The following INSR variants were observed in gnomAD, a reference collection of about 807,000 sequenced individuals.
INSR encodes IR.
Under a neutral mutation model 142.6 loss-of-function variants are expected in INSR, and 67 were observed. The observed-to-expected ratio is 0.47, with a 90% CI of 0.39 to 0.58. The LOEUF is 0.58. Among genes scored for constraint, INSR ranks in the 20% least tolerant of loss-of-function variants. INSR has a pLI of 0.00. For synonymous variants in INSR, 756 were observed against 743.1 expected (o/e 1.02, Z -0.28); for missense variants, 1,248 against 1,833.2 (o/e 0.68, Z 5.83).
Position 7,178,241 on chromosome 19 carries a change from T to TG in INSR, c.975-3511dup, listed in dbSNP as rs1289581199. Among the ~76,000 whole-genome samples, 155 of 43,036 alleles carry TG rather than the reference T, an allele frequency of 3.6e-3. 5 individuals are homozygous for TG. In the East Asian group the frequency reaches 0.092, roughly 26 times the overall value. The allele number at this position is 43,036 out of a possible 152,430, so 28.2% of individuals were successfully genotyped here. On this transcript the variant is annotated intron_variant, in intron 3 of 21. Coordinates refer to ENST00000302850, the MANE Select transcript of INSR (RefSeq NM_000208.4). ...GAGTGTTAGGAATGTCGGGGTGACT[T>TG]GTGGGGGGGGGGGTGCCTAGATAAC...
At chr19:7,170,035 C>T (rs1973978397) in intron 6 of INSR, among the ~76,000 whole-genome samples, 1 of 152,138 alleles carries the variant, frequency 6.6e-6, no homozygotes, top group South Asian at 2.1e-4. Flanking sequence ...CAGACCAGTA[C>T]TTATCCATGG....
In INSR at chr19:7,166,714, G is replaced by C. The variant is rs1247070298; in HGVS notation, c.1611-310C>G. 6.6e-6 allele frequency among the ~76,000 whole-genome samples: 1 copy of C among 152,164 alleles called. No homozygotes were observed. Among genetic ancestry groups the C allele is most frequent in the Non-Finnish European group, 1.5e-5 (1 of 68,040 alleles). ...AATGGCGGATCACCAGAAGTCAGGAGTTCGAGACCAGCCTGGCCAACATGG... is the reference window on the plus strand; with the variant it reads ...AATGGCGGATCACCAGAAGTCAGGACTTCGAGACCAGCCTGGCCAACATGG... On this transcript the variant is annotated intron_variant, in intron 7 of 21. Transcript: ENST00000302850. This position sits in a 1 kb window ranked among gnomAD's most constrained non-coding sequence, Gnocchi z 4.1.
intron 2 of INSR, among the ~76,000 whole-genome samples, chr19:7,237,490 C>G (rs1269060208): frequency 6.6e-6 from 1 of 151,702 alleles, no homozygotes; most frequent in African/African-American, 2.4e-5. Flanking sequence ...GCACTCCAAC[C>G]TGGGCAACAC....
intron 2 of INSR, among the ~76,000 whole-genome samples, chr19:7,243,622 C>T (rs1241769317): frequency 1.3e-5 from 2 of 152,188 alleles, no homozygotes; most frequent in Non-Finnish European, 2.9e-5. Context: ...AATGAATACT[C>T]AGTTACCTGC....
intron 13 of INSR, among the ~76,000 whole-genome samples, chr19:7,138,394 CAG>C (rs1972990751): frequency 6.6e-6 from 1 of 152,040 alleles, no homozygotes; most frequent in Non-Finnish European, 1.5e-5. Context: ...TTTTTGGAGA[CAG>C]AGTCTTCTTG....
intron 2 of INSR, among the ~76,000 whole-genome samples, chr19:7,266,334 C>T (rs1967724454): frequency 6.6e-6 from 1 of 151,572 alleles, no homozygotes; most frequent in South Asian, 2.1e-4. Context: ...CTAGATAAAG[C>T]TTTGACTCTA....
intron 11 of INSR, among the ~76,000 whole-genome samples, chr19:7,148,474 A>AT (rs1568445065): frequency 3.9e-5 from 2 of 50,852 alleles, no homozygotes; most frequent in Admixed American, 2.4e-4. Context: ...TTATGTATTT[A>AT]TTCTTTTTTT....
intron 14 of INSR, among the ~76,000 whole-genome samples, chr19:7,131,818 G>A (rs1375300037): frequency 1.3e-5 from 2 of 150,484 alleles, no homozygotes; most frequent in African/African-American, 4.9e-5. Context: ...GGCCAACATG[G>A]TGAAATGCCA....
chr19:7,122,788 C>T lies in INSR; in HGVS notation c.3370-15G>A, dbSNP rs41300628. ...CCAGGATTATTCTAAAACAGAAACA[C>T]GGGGTTGGTGTTTCAGCAGCACTGG... On this transcript the variant is annotated splice_polypyrimidine_tract_variant and intron_variant, in intron 18 of 21. Transcript: ENST00000302850. 12,192 of 1,614,092 alleles carry T rather than the reference C, an allele frequency of 7.6e-3. 79 individuals are homozygous for T. Among genetic ancestry groups the T allele is most frequent in the Non-Finnish European group, 8.1e-3 (9,558 of 1,179,950 alleles).
At chr19:7,141,196 C>T (rs369282211) in intron 13 of INSR, among the ~76,000 whole-genome samples, 32 of 152,254 alleles carry the variant, frequency 2.1e-4, no homozygotes, top group African/African-American at 7.7e-4. Context: ...GCTGGGATTA[C>T]AGGCACCCAC....
Position 7,116,145 on chromosome 19 carries a change from C to T in INSR, c.*911G>A, listed in dbSNP as rs1390015215. On this transcript the variant is annotated 3_prime_UTR_variant, in exon 22 of 22. Coordinates refer to ENST00000302850, the MANE Select transcript of INSR (RefSeq NM_000208.4). ...TTTTTCTTTTTTTTTTTTTAATGTC[C>T]TAGCTTGGTTTGGTCTTGAAAAGAT... is the stretch of plus-strand genomic sequence containing the variant. 6 of 123,234 alleles carry T rather than the reference C, an allele frequency of 4.9e-5. No individual in the cohort carries two copies. Among genetic ancestry groups the T allele is most frequent in the Admixed American group, 4.3e-4 (5 of 11,554 alleles). 7.6% of individuals were successfully genotyped at this position (123,234 alleles called of 1,614,324 possible).
intron 2 of INSR, among the ~76,000 whole-genome samples, chr19:7,226,812 G>T (rs1268383425): frequency 6.6e-6 from 1 of 151,088 alleles, no homozygotes; most frequent in Middle Eastern, 3.5e-3. Flanking sequence ...ACTCCAAACA[G>T]GTTTCCAAAT....
chr19:7,156,751 C>T (rs769223067), intron 9 of INSR, among the ~76,000 whole-genome samples: 5 of 150,312 alleles, frequency 3.3e-5, no homozygotes, highest in Non-Finnish European at 7.4e-5. Flanking sequence ...GGTAGCAGTC[C>T]TAAAAATACA....
chr19:7,199,705 C>A (rs35776370), intron 2 of INSR, among the ~76,000 whole-genome samples: 3 of 151,584 alleles, frequency 2.0e-5, no homozygotes, highest in African/African-American at 7.3e-5. Flanking sequence ...GGCTGTAACA[C>A]GGCATCACAC....
intron 2 of INSR, among the ~76,000 whole-genome samples, chr19:7,199,410 T>C (rs1974887077): frequency 6.6e-6 from 1 of 151,712 alleles, no homozygotes; most frequent in African/African-American, 2.4e-5. Context: ...ATTTGTTTGT[T>C]TGTTTGAAAC....
At chr19:7,258,099 TAC>T (rs1326206029) in intron 2 of INSR, among the ~76,000 whole-genome samples, 2 of 152,172 alleles carry the variant, frequency 1.3e-5, no homozygotes, top group Non-Finnish European at 2.9e-5. Context: ...GTGCTGGGAT[TAC>T]AGGCATGAGC....
chr19:7,151,166 T>C (rs369408028), intron 10 of INSR, among the ~76,000 whole-genome samples: 15 of 3,614 alleles, frequency 4.2e-3, no homozygotes, highest in African/African-American at 4.7e-3. Flanking sequence ...TTCTTTCTCT[T>C]TCTTTCTTTC....
intron 2 of INSR, among the ~76,000 whole-genome samples, chr19:7,234,974 C>T (rs374824092): frequency 3.3e-5 from 5 of 152,056 alleles, no homozygotes; most frequent in South Asian, 2.1e-4. Flanking sequence ...AGGAGAATGG[C>T]GTGAACCCGG....
chr19:7,269,038 C>CCACCCACACA (rs1555690134), intron 1 of INSR, among the ~76,000 whole-genome samples: 5 of 146,958 alleles, frequency 3.4e-5, no homozygotes, highest in South Asian at 4.3e-4. Context: ...ACCCACACAC[C>CCACCCACACA]CACACACACA....
Sources: gnomAD v4.1 joint callset for allele counts (sites outside exome capture counted in the v4.1 genomes callset) on GRCh38, gnomAD v4.1.1 for gene constraint, Gnocchi (gnomAD v3.1) non-coding constraint, MANE v1.5 for transcripts, NCBI Gene and HGNC (gene_info 2026-07-23, HGNC 2026-07-21) for gene names.